SCFD2: variants seen among roughly 807,000 people sequenced by gnomAD.
The protein encoded by SCFD2 is sec1 family domain containing 2.
A neutral mutation model predicts 58.9 loss-of-function variants in SCFD2; 54 were observed. That is an observed-to-expected ratio of 0.92 (90% CI 0.74 to 1.15). The LOEUF (loss-of-function observed/expected upper bound fraction) is 1.15. Ranked by LOEUF, SCFD2 falls within the 50% of genes most tolerant of loss-of-function variation. SCFD2 has a pLI of 0.00. For synonymous variants in SCFD2, 321 were observed against 335.9 expected (o/e 0.96, Z 0.49); for missense variants, 805 against 836.6 (o/e 0.96, Z 0.47).
chr4:53,278,508 G>A (rs1294677809), intron 3 of SCFD2, among the ~76,000 whole-genome samples: 1 of 150,432 alleles, frequency 6.6e-6, no homozygotes, highest in Non-Finnish European at 1.5e-5. Context: ...CAGCCTGGGC[G>A]ACAGAGTGAG....
At chr4:53,037,294 A>T (rs6816741) in intron 5 of SCFD2, among the ~76,000 whole-genome samples, 1 of 152,152 alleles carries the variant, frequency 6.6e-6, no homozygotes, top group East Asian at 1.9e-4. Context: ...GGACTATATG[A>T]ACAAGCATGT....
intron 5 of SCFD2, among the ~76,000 whole-genome samples, chr4:53,049,504 G>C (rs763092392): frequency 4.1e-4 from 62 of 152,170 alleles, no homozygotes; most frequent in Non-Finnish European, 7.9e-4. Context: ...TAAATCACTT[G>C]TGCAAGCTTA....
intron 4 of SCFD2, among the ~76,000 whole-genome samples, chr4:53,231,923 T>A (rs777862387): frequency 3.8e-4 from 58 of 152,122 alleles, no homozygotes; most frequent in Non-Finnish European, 7.6e-4. Flanking sequence ...CACCTTGATG[T>A]ACTCTACATG....
chr4:53,325,419 A>C lies in SCFD2; in HGVS notation c.1008-11656T>G, dbSNP rs545639592. 2.6e-5 allele frequency among the ~76,000 whole-genome samples: 4 copies of C among 152,298 alleles called. No homozygotes were observed. The East Asian group carries it at 7.7e-4, about 29-fold the overall frequency. ...TCAAATCACAAAGAATTAGCCAGGA[A>C]ATAAAAAAGAAGAAAGATGAAGGAG... On this transcript the variant is annotated intron_variant, in intron 2 of 8. Coordinates refer to ENST00000401642, the MANE Select transcript of SCFD2 (RefSeq NM_152540.4).
chr4:53,044,617 C>T (rs545196912), intron 5 of SCFD2, among the ~76,000 whole-genome samples: 2 of 28,092 alleles, frequency 7.1e-5, no homozygotes, highest in African/African-American at 2.8e-4. Flanking sequence ...TCCTCCCTCC[C>T]TTCTTCCCTC....
Position 52,972,891 on chromosome 4 carries a change from G to T in SCFD2, c.1562-52021C>A, listed in dbSNP as rs1415661167. Among the ~76,000 whole-genome samples the T allele has an allele frequency of 1.3e-5, 2 of 152,092 alleles. 1 individual carries two copies. The highest frequency in any genetic ancestry group is 2.9e-5 in the Non-Finnish European group (2 of 68,012). On this transcript the variant is annotated intron_variant, in intron 5 of 8. Coordinates refer to ENST00000401642, the MANE Select transcript of SCFD2 (RefSeq NM_152540.4). ...CTCAAAACTGCTCAACTACATGGAAGCTGAACAACCTGCTCCTGAATGACT... is the reference window on the plus strand; with the variant it reads ...CTCAAAACTGCTCAACTACATGGAATCTGAACAACCTGCTCCTGAATGACT...
chr4:53,231,525 A>G (rs1158227229), intron 4 of SCFD2, among the ~76,000 whole-genome samples: 1 of 152,094 alleles, frequency 6.6e-6, no homozygotes, highest in Non-Finnish European at 1.5e-5. Flanking sequence ...CTCTTTTTTT[A>G]CTGTATTATT....
At chr4:52,920,636 GA>G in intron 6 of SCFD2, 88 bp downstream of exon 6, 1 of 922,814 alleles carries the variant, frequency 1.1e-6, no homozygotes, top group Non-Finnish European at 1.6e-6. Context: ...TTGGTTTTAG[GA>G]AGGTTAAAAG....
intron 5 of SCFD2, among the ~76,000 whole-genome samples, chr4:52,944,670 T>C (rs903961273): frequency 9.2e-5 from 14 of 152,264 alleles, no homozygotes; most frequent in Admixed American, 9.2e-4. Flanking sequence ...ATGTTTAACA[T>C]AATAGATACT....
chr4:53,163,211 G>A (rs571837171), intron 4 of SCFD2, among the ~76,000 whole-genome samples: 4 of 152,184 alleles, frequency 2.6e-5, no homozygotes, highest in African/African-American at 9.7e-5. Flanking sequence ...CTGCTCCAAC[G>A]GAGAAGTCTG....
chr4:53,212,764 GAGGTGATGGTAGTTTTAAAA>G (rs2148983011), intron 4 of SCFD2, among the ~76,000 whole-genome samples: 1 of 151,764 alleles, frequency 6.6e-6, no homozygotes, highest in Non-Finnish European at 1.5e-5. Flanking sequence ...TTTTTCTCTT[GAGGTGATGGTAGTTTTAAAA>G]AGGAAACCAA....
intron 2 of SCFD2, among the ~76,000 whole-genome samples, chr4:53,338,620 G>A (rs1321599829): frequency 1.1e-4 from 11 of 102,228 alleles, no homozygotes; most frequent in Admixed American, 3.3e-4. Context: ...TCGCTCTGTC[G>A]CCCAGGCTGG....
At chr4:53,215,824 A>G (rs532848710) in intron 4 of SCFD2, among the ~76,000 whole-genome samples, 1 of 152,246 alleles carries the variant, frequency 6.6e-6, no homozygotes, top group Admixed American at 6.5e-5. Flanking sequence ...CGTCCCATCA[A>G]TACTTAATTT....
intron 5 of SCFD2, among the ~76,000 whole-genome samples, chr4:53,101,766 T>C (rs1422024378): frequency 6.6e-6 from 1 of 152,154 alleles, no homozygotes; most frequent in Non-Finnish European, 1.5e-5. Context: ...AAGACATTCC[T>C]GGTTCTTGAT....
chr4:53,136,560 C>T (rs188775793), intron 5 of SCFD2, among the ~76,000 whole-genome samples: 8 of 152,208 alleles, frequency 5.3e-5, no homozygotes, highest in Admixed American at 1.3e-4. Context: ...GATTTAGACA[C>T]AATACCATAT....
chr4:52,895,448 T>G (rs1467425288), intron 7 of SCFD2, among the ~76,000 whole-genome samples: 1 of 152,168 alleles, frequency 6.6e-6, no homozygotes, highest in Non-Finnish European at 1.5e-5. Context: ...TGTGATACTT[T>G]GCTGAGAATG....
intron 5 of SCFD2, among the ~76,000 whole-genome samples, chr4:53,042,815 T>A (rs780583268): frequency 3.9e-5 from 6 of 152,124 alleles, no homozygotes; most frequent in Non-Finnish European, 8.8e-5. Context: ...TGACCACCTT[T>A]CTTGGAGCAG....
intron 5 of SCFD2, among the ~76,000 whole-genome samples, chr4:53,141,730 A>G (rs2148909595): frequency 6.6e-6 from 1 of 152,276 alleles, no homozygotes; most frequent in East Asian, 1.9e-4. Flanking sequence ...TGTTGGTAAC[A>G]TGGCTCAGGC....
At chr4:53,083,041 C>G (rs574696690) in intron 5 of SCFD2, among the ~76,000 whole-genome samples, 14 of 152,100 alleles carry the variant, frequency 9.2e-5, no homozygotes, top group South Asian at 4.2e-4. Flanking sequence ...AGAACCCTGA[C>G]TAATATAGAT....
Sources: allele counts gnomAD v4.1 joint callset (sites outside exome capture counted in the v4.1 genomes callset), GRCh38; gene constraint gnomAD v4.1.1; transcripts MANE v1.5; gene names NCBI Gene and HGNC (gene_info 2026-07-23, HGNC 2026-07-21).